ASAP1: variants seen among roughly 807,000 people sequenced by gnomAD.
ASAP1 encodes ArfGAP with SH3 domain, ankyrin repeat and PH domain 1.
ASAP1 carries 43 observed loss-of-function variants against 145.2 expected under a neutral mutation model. The ratio of observed to expected loss-of-function variants is 0.30; its 90% CI spans 0.23 to 0.38. The LOEUF is 0.38. Ranked by LOEUF, ASAP1 falls within the 10% of genes least tolerant of loss-of-function variation. The probability of loss-of-function intolerance (pLI) is 1.00; values close to 1 mark genes in which losing one functional copy is unlikely to be tolerated. For missense variants in ASAP1, 1,018 were observed against 1,355.3 expected (o/e 0.75, Z 3.91); for synonymous variants, 546 against 515.5 (o/e 1.06, Z -0.80).
At chr8:130,375,551 G>GGAA (rs966332318) in intron 2 of ASAP1, among the ~76,000 whole-genome samples, 3 of 138,376 alleles carry the variant, frequency 2.2e-5, no homozygotes, top group Non-Finnish European at 3.2e-5. Flanking sequence ...GACTCTCGAG[G>GGAA]GAAAAAAAAA....
chr8:130,340,988 T>TG (rs897621333), intron 3 of ASAP1: 3 of 442,844 alleles, frequency 6.8e-6, no homozygotes, highest in Non-Finnish European at 1.3e-5. Flanking sequence ...GTTTTGTCGC[T>TG]GGGGGGCAGT....
intron 18 of ASAP1, among the ~76,000 whole-genome samples, chr8:130,123,308 T>G (rs1190291999): frequency 6.6e-6 from 1 of 152,228 alleles, no homozygotes; most frequent in African/African-American, 2.4e-5. Flanking sequence ...TGAGACAGAA[T>G]GTCAGTTTCC....
In ASAP1 at chr8:130,092,014, G is replaced by A; in HGVS notation, c.2531C>T (p.Pro844Leu). The A allele has an allele frequency of 6.4e-7, 1 of 1,570,030 alleles. No homozygotes were observed. The highest frequency in any genetic ancestry group is 8.6e-7 in the Non-Finnish European group (1 of 1,163,110). Residue 844 changes from proline to leucine, a missense_variant, in exon 25 of 30, where the codon CCA becomes CTA. Pro to Leu is a moderately conservative substitution (Grantham distance 98). Transcript: ENST00000518721. ...HKRTLSDPPS[P>L]LPHGPPNKGA... ...TTTGTTTGGGGGCCCATGAGGTAGTGGGCTGGGAGGGTCGGATAGGGTTCT... is the reference window on the plus strand; with the variant it reads ...TTTGTTTGGGGGCCCATGAGGTAGTAGGCTGGGAGGGTCGGATAGGGTTCT...
intron 15 of ASAP1, among the ~76,000 whole-genome samples, chr8:130,132,199 G>A (rs1007159290): frequency 2.0e-5 from 3 of 152,176 alleles, no homozygotes; most frequent in Non-Finnish European, 4.4e-5. Context: ...TTGCAAACTA[G>A]GGACAAAAGT....
chr8:130,406,600 G>C (rs1439862958), intron 1 of ASAP1, among the ~76,000 whole-genome samples: 1 of 151,864 alleles, frequency 6.6e-6, no homozygotes, highest in Non-Finnish European at 1.5e-5. Context: ...TCCTGCCTCA[G>C]CCTCCCAAGT....
At chr8:130,340,286 G>C (rs902789024) in intron 3 of ASAP1, among the ~76,000 whole-genome samples, 3 of 152,200 alleles carry the variant, frequency 2.0e-5, no homozygotes, top group Admixed American at 1.3e-4. Context: ...GGTTGTCTCT[G>C]AGAGGAAGAA....
chr8:130,091,615 CT>C, intron 25 of ASAP1, among the ~76,000 whole-genome samples: 1 of 152,220 alleles, frequency 6.6e-6, no homozygotes, highest in Non-Finnish European at 1.5e-5. Context: ...CTGATTTACA[CT>C]TTATAAGAAA....
At chr8:130,187,191 C>T (rs1216296093) in intron 7 of ASAP1, 45 bp downstream of exon 7, 4 of 1,516,490 alleles carry the variant, frequency 2.6e-6, no homozygotes, top group South Asian at 1.2e-5. Flanking sequence ...AAATTCACAA[C>T]AATATTAAAA....
At chr8:130,341,802 G>A (rs1825399256) in intron 3 of ASAP1, among the ~76,000 whole-genome samples, 1 of 152,072 alleles carries the variant, frequency 6.6e-6, no homozygotes. Context: ...AAGAGAAACA[G>A]GAAAAGCATT....
chr8:130,412,410 T>C (rs1463612935), intron 1 of ASAP1, among the ~76,000 whole-genome samples: 1 of 151,990 alleles, frequency 6.6e-6, no homozygotes, highest in East Asian at 1.9e-4. Flanking sequence ...CTCTCTCTCT[T>C]GCTCCTGCTT....
intron 2 of ASAP1, among the ~76,000 whole-genome samples, chr8:130,395,299 C>T (rs1169153035): frequency 2.0e-5 from 3 of 152,190 alleles, no homozygotes; most frequent in Admixed American, 2.0e-4. Flanking sequence ...TTGACACGTC[C>T]TCTTGCAAAA....
At chr8:130,400,654 G>A (rs1044174369) in intron 2 of ASAP1, among the ~76,000 whole-genome samples, 1 of 152,130 alleles carries the variant, frequency 6.6e-6, no homozygotes, top group African/African-American at 2.4e-5. Context: ...AGCTGGGCGT[G>A]ATGGCAGGCG....
chr8:130,206,310 A>G (rs1464876886), intron 5 of ASAP1, among the ~76,000 whole-genome samples: 1 of 152,136 alleles, frequency 6.6e-6, no homozygotes, highest in Non-Finnish European at 1.5e-5. Flanking sequence ...GAAGCTACCA[A>G]TTTTACCATT....
chr8:130,396,015 G>T (rs1402118163), intron 2 of ASAP1, among the ~76,000 whole-genome samples: 2 of 152,138 alleles, frequency 1.3e-5, no homozygotes, highest in Admixed American at 1.3e-4. Flanking sequence ...TGTCACAGCA[G>T]CCCTAGGAAA....
At chr8:130,084,585 T>G (rs951685921) in intron 25 of ASAP1, 1 of 152,188 alleles carries the variant, frequency 6.6e-6, no homozygotes, top group Non-Finnish European at 1.5e-5. Context: ...ATGGCCAGGT[T>G]GCTACAGGAG....
chr8:130,208,480 T>C (rs1816370576), intron 5 of ASAP1: 1 of 152,250 alleles, frequency 6.6e-6, no homozygotes, highest in African/African-American at 2.4e-5. Context: ...TTGGATGACT[T>C]TGACTTTAGT....
chr8:130,282,478 A>G (rs997540498), intron 3 of ASAP1, among the ~76,000 whole-genome samples: 1 of 152,218 alleles, frequency 6.6e-6, no homozygotes, highest in African/African-American at 2.4e-5. Context: ...AAGGTTCACC[A>G]ATTGCAATAC....
rs141685322 is a variant in ASAP1 at position 130,239,113 on chromosome 8, T to C, written c.187-2119A>G. On this transcript the variant is annotated intron_variant, in intron 3 of 29. Coordinates refer to ENST00000518721, the MANE Select transcript of ASAP1 (RefSeq NM_018482.4). ...GAAAATTACAATGTACCTCTACCTATACAAAATGCTCCTCCGCTTAGGATC... is the reference window on the plus strand; with the variant it reads ...GAAAATTACAATGTACCTCTACCTACACAAAATGCTCCTCCGCTTAGGATC... Among the ~76,000 whole-genome samples the C allele has an allele frequency of 2.4e-4, 37 of 152,272 alleles. 1 individual carries two copies. The East Asian group carries it at 7.0e-3, about 29-fold the overall frequency.
At chr8:130,059,906 C>G (rs1413282160) in intron 28 of ASAP1, among the ~76,000 whole-genome samples, 1 of 151,478 alleles carries the variant, frequency 6.6e-6, no homozygotes, top group African/African-American at 2.4e-5. Context: ...GGCAAAACCC[C>G]ATCTCTACCA....
Sources: gnomAD v4.1 joint callset for allele counts (sites outside exome capture counted in the v4.1 genomes callset) on GRCh38, gnomAD v4.1.1 for gene constraint, MANE v1.5 for transcripts, NCBI Gene and HGNC (gene_info 2026-07-23, HGNC 2026-07-21) for gene names.